DTNB: variants seen among roughly 807,000 people sequenced by gnomAD.
DTNB encodes dystrobrevin beta.
DTNB carries 63 observed loss-of-function variants against 90.7 expected under a neutral mutation model. The ratio of observed to expected loss-of-function variants is 0.69; its 90% CI spans 0.57 to 0.86. DTNB has a LOEUF of 0.86. Ranked by LOEUF, DTNB falls within the 40% of genes least tolerant of loss-of-function variation. The pLI is 0.00. For synonymous variants in DTNB, 277 were observed against 286.7 expected (o/e 0.97, Z 0.34); for missense variants, 744 against 807.1 (o/e 0.92, Z 0.95).
At chr2:25,377,958 C>T (rs1398825562) in intron 20 of DTNB, among the ~76,000 whole-genome samples, 1 of 152,168 alleles carries the variant, frequency 6.6e-6, no homozygotes, top group East Asian at 1.9e-4. Flanking sequence ...TAACTCTCGG[C>T]TGTTGGTGTT....
intron 15 of DTNB, among the ~76,000 whole-genome samples, chr2:25,425,289 C>T (rs1240792547): frequency 2.0e-5 from 3 of 152,074 alleles, no homozygotes; most frequent in African/African-American, 4.8e-5. Context: ...GAAAAAACAA[C>T]AACCACCACC....
At chr2:25,519,805 T>A (rs1180988173) in intron 9 of DTNB, among the ~76,000 whole-genome samples, 1 of 152,160 alleles carries the variant, frequency 6.6e-6, no homozygotes, top group Non-Finnish European at 1.5e-5. Context: ...TCTCAGGAGA[T>A]CAAGATACCT....
chr2:25,664,540 T>C (rs1244220352), intron 1 of DTNB, among the ~76,000 whole-genome samples: 1 of 152,148 alleles, frequency 6.6e-6, no homozygotes. Flanking sequence ...TTACCGTACG[T>C]GACAGACATC....
At chr2:25,474,506 C>T (rs999989225) in intron 10 of DTNB, among the ~76,000 whole-genome samples, 1 of 152,066 alleles carries the variant, frequency 6.6e-6, no homozygotes, top group South Asian at 2.1e-4. Context: ...TTGTTTTATT[C>T]CTTTTCTTAG....
At position 25,451,642 on chromosome 2, in the gene DTNB, A is replaced by C. The variant is rs1366282961; in HGVS notation, c.1170-7T>G. 6.4e-7 allele frequency: 1 copy of C among 1,572,928 alleles called. No individual in the cohort carries two copies. Among genetic ancestry groups the C allele is most frequent in the East Asian group, 2.3e-5 (1 of 43,654 alleles). ...GCTAGGACTGTCCAGAACACTGCCA[A>C]GGAAATAAAAATGCAACAAGTGTCT... On this transcript the variant is annotated splice_region_variant and splice_polypyrimidine_tract_variant and intron_variant, in intron 11 of 20. Transcript: ENST00000406818.
At chr2:25,467,235 A>G (rs1320474502) in intron 10 of DTNB, among the ~76,000 whole-genome samples, 2 of 151,980 alleles carry the variant, frequency 1.3e-5, no homozygotes, top group Non-Finnish European at 2.9e-5. Context: ...TACTGCTACT[A>G]TACTACGAAT....
chr2:25,455,306 T>C, intron 11 of DTNB, 99 bp downstream of exon 11: 2 of 1,123,178 alleles, frequency 1.8e-6, no homozygotes, highest in Non-Finnish European at 2.5e-6. Context: ...AAGAAAAACC[T>C]GACATGCAGT....
At chr2:25,483,541 A>C (rs1474037322) in intron 9 of DTNB, among the ~76,000 whole-genome samples, 1 of 152,232 alleles carries the variant, frequency 6.6e-6, no homozygotes, top group African/African-American at 2.4e-5. Flanking sequence ...TGTCTTTGAT[A>C]ACCCCTAATC....
intron 10 of DTNB, among the ~76,000 whole-genome samples, chr2:25,463,259 C>CAAA (rs1393366913): frequency 3.3e-5 from 5 of 152,212 alleles, no homozygotes; most frequent in Non-Finnish European, 5.9e-5. Flanking sequence ...GCCATCAGGC[C>CAAA]AAAACCAGAG....
chr2:25,532,361 A>C (rs1293937774), intron 8 of DTNB, among the ~76,000 whole-genome samples: 4 of 152,156 alleles, frequency 2.6e-5, no homozygotes, highest in Non-Finnish European at 1.5e-5. Context: ...CCAAGATGTT[A>C]GGATATTCCC....
At chr2:25,484,268 C>G (rs2065661174) in intron 9 of DTNB, among the ~76,000 whole-genome samples, 1 of 152,212 alleles carries the variant, frequency 6.6e-6, no homozygotes, top group Admixed American at 6.5e-5. Context: ...ATTTGTCTAT[C>G]AAAAGCATAA....
chr2:25,488,759 TC>T (rs1011509638), intron 9 of DTNB, among the ~76,000 whole-genome samples: 1 of 152,078 alleles, frequency 6.6e-6, no homozygotes, highest in Non-Finnish European at 1.5e-5. Flanking sequence ...TTCAAGCGAT[TC>T]CCCCCTCACC....
At chr2:25,664,503 C>G (rs1383659077) in intron 1 of DTNB, among the ~76,000 whole-genome samples, 1 of 152,184 alleles carries the variant, frequency 6.6e-6, no homozygotes, top group East Asian at 1.9e-4. Context: ...ACAGTATCAG[C>G]CCCTCCAGGC....
chr2:25,411,945 T>C (rs1292290157), intron 16 of DTNB, among the ~76,000 whole-genome samples: 1 of 152,144 alleles, frequency 6.6e-6, no homozygotes, highest in Non-Finnish European at 1.5e-5. Context: ...TGCAGAAGCA[T>C]GTGAATCTGA....
chr2:25,422,721 A>G (rs896327036), intron 15 of DTNB, among the ~76,000 whole-genome samples: 1 of 152,174 alleles, frequency 6.6e-6, no homozygotes, highest in Non-Finnish European at 1.5e-5. Context: ...TTCAAAAGCA[A>G]TATCAGACAA....
intron 12 of DTNB, among the ~76,000 whole-genome samples, chr2:25,440,373 A>G (rs1454013417): frequency 1.3e-5 from 2 of 152,244 alleles, no homozygotes; most frequent in Non-Finnish European, 2.9e-5. Context: ...TCTAGAATAA[A>G]ATGGCACTGA....
chr2:25,490,352 G>A (rs549918870), intron 9 of DTNB, among the ~76,000 whole-genome samples: 1 of 152,276 alleles, frequency 6.6e-6, no homozygotes, highest in African/African-American at 2.4e-5. Flanking sequence ...ATCCTTAAGA[G>A]TGGAGACGGT....
rs1293166494 is a variant in DTNB at position 25,387,894 on chromosome 2, T to G, written c.1735+308A>C. 6.6e-6 allele frequency among the ~76,000 whole-genome samples: 1 copy of G among 152,220 alleles called. No homozygotes were observed. Among genetic ancestry groups the G allele is most frequent in the Non-Finnish European group, 1.5e-5 (1 of 68,046 alleles). On this transcript the variant is annotated intron_variant, in intron 17 of 20. Transcript: ENST00000406818. This position sits in a 1 kb window ranked among gnomAD's most constrained non-coding sequence, Gnocchi z 4.5. ...TTACAGTCCCTTCTAGGCCAGGGAATTATTCCATCCAATTCCTCTGGAGGA... is the reference window on the plus strand; with the variant it reads ...TTACAGTCCCTTCTAGGCCAGGGAAGTATTCCATCCAATTCCTCTGGAGGA...
chr2:25,638,683 T>C (rs1178470012), intron 3 of DTNB, among the ~76,000 whole-genome samples: 1 of 152,208 alleles, frequency 6.6e-6, no homozygotes, highest in Non-Finnish European at 1.5e-5. Context: ...ATCAAAAACA[T>C]TGTTTTTCTT....
Sources: gnomAD v4.1 joint callset for allele counts (sites outside exome capture counted in the v4.1 genomes callset) on GRCh38, gnomAD v4.1.1 for gene constraint, Gnocchi (gnomAD v3.1) non-coding constraint, MANE v1.5 for transcripts, NCBI Gene and HGNC (gene_info 2026-07-23, HGNC 2026-07-21) for gene names.